The following ZRANB3 variants were observed in gnomAD, a reference collection of about 807,000 sequenced individuals.
The protein encoded by ZRANB3 is DNA annealing helicase and endonuclease ZRANB3.
ZRANB3 carries 125 observed loss-of-function variants against 133.8 expected under a neutral mutation model. The observed-to-expected ratio is 0.93, with a 90% CI of 0.81 to 1.08. The LOEUF is 1.08. Ranked by LOEUF, ZRANB3 falls within the 50% of genes least tolerant of loss-of-function variation. The probability of loss-of-function intolerance (pLI) is 0.00; values close to 1 mark genes in which losing one functional copy is unlikely to be tolerated. For synonymous variants in ZRANB3, 387 were observed against 432.7 expected (o/e 0.89, Z 1.31); for missense variants, 1,229 against 1,275.5 (o/e 0.96, Z 0.56).
intron 4 of ZRANB3, among the ~76,000 whole-genome samples, chr2:135,350,958 A>C (rs2104873952): frequency 6.6e-6 from 1 of 152,308 alleles, no homozygotes; most frequent in Non-Finnish European, 1.5e-5. Flanking sequence ...TATGTCTCTT[A>C]CCATATCATG....
rs182927132 is a variant in ZRANB3, at chr2:135,316,349, A to C, written c.678-819T>G. Among the ~76,000 whole-genome samples, 5 of 152,304 alleles carry C rather than the reference A, an allele frequency of 3.3e-5. No homozygotes were observed. The East Asian group carries it at 5.8e-4, about 18-fold the overall frequency. On this transcript the variant is annotated intron_variant, in intron 6 of 20. Transcript: ENST00000264159. The stretch of plus-strand genomic sequence containing the variant: ...AATCTAGTGGATCAATTGAACTTAC[A>C]CATTAGGACAACCGATCCAATAACA...
intron 6 of ZRANB3, among the ~76,000 whole-genome samples, chr2:135,339,436 G>A (rs1433245261): frequency 1.3e-5 from 2 of 151,024 alleles, no homozygotes; most frequent in African/African-American, 2.4e-5. Context: ...CAAAGAATTA[G>A]CCAGACATGG....
chr2:135,276,694 GA>G (rs1680844147), intron 8 of ZRANB3, among the ~76,000 whole-genome samples: 1 of 152,162 alleles, frequency 6.6e-6, no homozygotes, highest in African/African-American at 2.4e-5. Flanking sequence ...AGTGTAAAGG[GA>G]CAAAGAGAAC....
intron 11 of ZRANB3, among the ~76,000 whole-genome samples, chr2:135,266,593 C>T (rs1680260254): frequency 6.6e-6 from 1 of 151,884 alleles, no homozygotes; most frequent in South Asian, 2.1e-4. Context: ...GGTAAAACCC[C>T]ATCTCTACTA....
intron 12 of ZRANB3, among the ~76,000 whole-genome samples, chr2:135,237,811 G>A (rs1361475936): frequency 1.3e-5 from 2 of 151,594 alleles, no homozygotes; most frequent in African/African-American, 2.4e-5. Flanking sequence ...GAAGGGGGGA[G>A]GGATAGCATT....
chr2:135,472,028 G>A (rs4954257), intron 2 of ZRANB3, among the ~76,000 whole-genome samples: 40,528 of 152,040 alleles, frequency 0.27, 9,021 homozygotes, highest in African/African-American at 0.6. Flanking sequence ...GCAAATAAAT[G>A]TAAGAATGAA....
chr2:135,442,107 G>C (rs1689807511), intron 2 of ZRANB3, among the ~76,000 whole-genome samples: 1 of 152,104 alleles, frequency 6.6e-6, no homozygotes, highest in Non-Finnish European at 1.5e-5. Flanking sequence ...AGAAAACCTA[G>C]GCAATACCAT....
chr2:135,207,262 T>C (rs967997805), intron 19 of ZRANB3, among the ~76,000 whole-genome samples, 172 bp downstream of exon 19: 4 of 151,772 alleles, frequency 2.6e-5, no homozygotes, highest in African/African-American at 9.7e-5. Context: ...CAGATGAAAA[T>C]GAATGCCAAA....
At chr2:135,278,367 G>C (rs571061933) in intron 8 of ZRANB3, among the ~76,000 whole-genome samples, 71 of 152,228 alleles carry the variant, frequency 4.7e-4, no homozygotes, top group African/African-American at 1.6e-3. Flanking sequence ...AGATAGAATA[G>C]TAATATTTTC....
At chr2:135,422,791 T>C (rs1219522078) in intron 2 of ZRANB3, among the ~76,000 whole-genome samples, 1 of 152,226 alleles carries the variant, frequency 6.6e-6, no homozygotes, top group African/African-American at 2.4e-5. Context: ...GGTCTCCTAC[T>C]TGATACAAAG....
At chr2:135,261,752 G>A (rs768852153) in intron 12 of ZRANB3, among the ~76,000 whole-genome samples, 3 of 152,112 alleles carry the variant, frequency 2.0e-5, no homozygotes, top group Non-Finnish European at 2.9e-5. Context: ...AGTTTGATAG[G>A]AAATTTTAGA....
In ZRANB3 at chr2:135,254,754, CT is replaced by C. The variant is rs1264922835; in HGVS notation, c.1539+10779del. 4.0e-5 allele frequency among the ~76,000 whole-genome samples: 6 copies of C among 149,814 alleles called. No homozygotes were observed. In the South Asian group the frequency reaches 6.3e-4, roughly 16 times the overall value. The stretch of plus-strand genomic sequence containing the variant: ...CCCCTGTTTAATTGTAGAACATTTT[CT>C]TTTTTTTTTCTTTGAGACAGAGTCT... On this transcript the variant is annotated intron_variant, in intron 12 of 20. Transcript: ENST00000264159.
chr2:135,274,174 T>A (rs543001511), intron 9 of ZRANB3, among the ~76,000 whole-genome samples: 130 of 152,326 alleles, frequency 8.5e-4, no homozygotes, highest in African/African-American at 2.7e-3. Context: ...ACCTAATGTT[T>A]AAACAATGTA....
intron 17 of ZRANB3, among the ~76,000 whole-genome samples, chr2:135,211,826 T>C (rs1268644625): frequency 1.3e-5 from 2 of 152,184 alleles, no homozygotes; most frequent in African/African-American, 2.4e-5. Context: ...AATGCTGTAA[T>C]AGATATCGTT....
At chr2:135,282,308 C>T (rs908333181) in intron 8 of ZRANB3, among the ~76,000 whole-genome samples, 1 of 151,826 alleles carries the variant, frequency 6.6e-6, no homozygotes, top group South Asian at 2.1e-4. Flanking sequence ...GAAGGCTAGA[C>T]ATTGTCTTCC....
chr2:135,519,705 A>T (rs1693843222), intron 1 of ZRANB3, among the ~76,000 whole-genome samples: 1 of 152,212 alleles, frequency 6.6e-6, no homozygotes, highest in East Asian at 1.9e-4. Flanking sequence ...ACAAATGTGT[A>T]TTCGGTTGTT....
chr2:135,372,908 C>A (rs1426712858), intron 3 of ZRANB3, among the ~76,000 whole-genome samples: 2 of 151,756 alleles, frequency 1.3e-5, no homozygotes, highest in African/African-American at 4.8e-5. Flanking sequence ...ACAGTGGACC[C>A]TGTCTCTAAA....
chr2:135,312,226 T>C (rs1683029154), intron 8 of ZRANB3, among the ~76,000 whole-genome samples: 1 of 150,558 alleles, frequency 6.6e-6, no homozygotes, highest in African/African-American at 2.4e-5. Flanking sequence ...TGAGACAGAG[T>C]CTTGCTCTGT....
At chr2:135,231,024 G>T in intron 12 of ZRANB3, 97 bp from the exon 13 acceptor site, 2 of 1,161,916 alleles carry the variant, frequency 1.7e-6, no homozygotes, top group Non-Finnish European at 1.2e-6. Context: ...TAACCATATT[G>T]CCTTATCCTT....
Sources: gnomAD v4.1 joint callset for allele counts (sites outside exome capture counted in the v4.1 genomes callset) on GRCh38, gnomAD v4.1.1 for gene constraint, MANE v1.5 for transcripts, NCBI Gene and HGNC (gene_info 2026-07-23, HGNC 2026-07-21) for gene names.